The following SCHIP1 variants were observed in gnomAD, a reference collection of about 807,000 sequenced individuals.
SCHIP1 encodes schwannomin interacting protein 1.
A neutral mutation model predicts 29.7 loss-of-function variants in SCHIP1; 8 were observed. The observed-to-expected ratio is 0.27, with a 90% CI of 0.16 to 0.49. The LOEUF (loss-of-function observed/expected upper bound fraction) is 0.49. SCHIP1 is among the 20% of genes least tolerant of loss of function. The pLI is 0.99. For missense variants in SCHIP1, 193 were observed against 294.6 expected (o/e 0.66, Z 2.52); for synonymous variants, 76 against 94.9 (o/e 0.80, Z 1.16).
At chr3:159,402,856 C>T in the SCHIP1 span, among the ~76,000 whole-genome samples, 1 of 151,972 alleles carries the variant, frequency 6.6e-6, no homozygotes, top group Non-Finnish European at 1.5e-5. Context: ...GGGTGCAGCA[C>T]ACCAGCATGG....
chr3:159,322,515 A>C, the SCHIP1 span, among the ~76,000 whole-genome samples: 1 of 152,186 alleles, frequency 6.6e-6, no homozygotes, highest in African/African-American at 2.4e-5. Flanking sequence ...AATGCCACTC[A>C]CCACCGCAGG....
At chr3:159,372,079 T>C in the SCHIP1 span, among the ~76,000 whole-genome samples, 2 of 152,198 alleles carry the variant, frequency 1.3e-5, no homozygotes, top group East Asian at 1.9e-4. Flanking sequence ...AATTGAAATA[T>C]TCATATTGGT....
the SCHIP1 span, among the ~76,000 whole-genome samples, chr3:159,537,991 A>C: frequency 1.1e-3 from 174 of 152,256 alleles, 1 homozygote; most frequent in African/African-American, 4.0e-3. Flanking sequence ...AAACATCATC[A>C]TTTTTTGTGG....
the SCHIP1 span, among the ~76,000 whole-genome samples, chr3:159,789,779 T>C: frequency 2.0e-5 from 3 of 152,250 alleles, no homozygotes; most frequent in Non-Finnish European, 4.4e-5. Context: ...ATTTTATTTA[T>C]CAGGGATGTA....
the SCHIP1 span, among the ~76,000 whole-genome samples, chr3:159,300,641 C>T: frequency 8.5e-4 from 130 of 152,270 alleles, no homozygotes; most frequent in East Asian, 0.022. Context: ...GCTTTTGCAC[C>T]GACTACAATG....
chr3:159,816,764 A>G, the SCHIP1 span, among the ~76,000 whole-genome samples: 2 of 152,128 alleles, frequency 1.3e-5, no homozygotes, highest in East Asian at 1.9e-4. Flanking sequence ...TTGTACTCTA[A>G]CAAAACCAGT....
At chr3:159,808,239 TTCTA>T in the SCHIP1 span, among the ~76,000 whole-genome samples, 1 of 152,190 alleles carries the variant, frequency 6.6e-6, no homozygotes. Flanking sequence ...GTAATGCTGG[TTCTA>T]TCTGTGTTTA....
At chr3:159,738,223 G>A in the SCHIP1 span, among the ~76,000 whole-genome samples, 1 of 148,904 alleles carries the variant, frequency 6.7e-6, no homozygotes, top group Admixed American at 6.8e-5. Flanking sequence ...TTGTTTTTCA[G>A]ATCTTCAATA....
chr3:159,712,173 T>C, the SCHIP1 span, among the ~76,000 whole-genome samples: 1 of 152,112 alleles, frequency 6.6e-6, no homozygotes, highest in Admixed American at 6.6e-5. Context: ...TAAATCTCAC[T>C]TGAATGCATC....
At chr3:159,278,013 C>G in the SCHIP1 span, among the ~76,000 whole-genome samples, 1 of 152,022 alleles carries the variant, frequency 6.6e-6, no homozygotes, top group African/African-American at 2.4e-5. Context: ...GGATGACCCA[C>G]ATAAAAGATG....
the SCHIP1 span, among the ~76,000 whole-genome samples, chr3:159,751,530 C>T: frequency 6.6e-6 from 1 of 150,844 alleles, no homozygotes; most frequent in African/African-American, 2.5e-5. Flanking sequence ...TTAATTCCAG[C>T]TCTTCTGAAC....
chr3:159,282,567 T>G, the SCHIP1 span: 1 of 151,440 alleles, frequency 6.6e-6, no homozygotes, highest in African/African-American at 2.4e-5. Context: ...TTATCATTTG[T>G]CTTAAGTTCA....
the SCHIP1 span, among the ~76,000 whole-genome samples, chr3:159,365,610 C>T: frequency 1.4e-3 from 219 of 152,326 alleles, no homozygotes; most frequent in African/African-American, 5.1e-3. Context: ...CCTTTCTACG[C>T]ACTACATTAG....
the SCHIP1 span, among the ~76,000 whole-genome samples, chr3:159,698,478 G>A: frequency 5.3e-5 from 8 of 152,248 alleles, no homozygotes; most frequent in Admixed American, 2.6e-4. Flanking sequence ...TCATTACTAC[G>A]AGTGCATTGT....
the SCHIP1 span, among the ~76,000 whole-genome samples, chr3:159,384,383 T>C: frequency 3.9e-5 from 6 of 152,130 alleles, no homozygotes; most frequent in Non-Finnish European, 5.9e-5. Flanking sequence ...GTTTTTGTCT[T>C]TGGTTCTGTT....
At chr3:159,722,961 CTCTG>C in the SCHIP1 span, among the ~76,000 whole-genome samples, 1 of 152,178 alleles carries the variant, frequency 6.6e-6, no homozygotes, top group African/African-American at 2.4e-5. Flanking sequence ...GGTTACTCCT[CTCTG>C]TGGCATCTCT....
At chr3:159,599,240 G>T in the SCHIP1 span, among the ~76,000 whole-genome samples, 1 of 152,042 alleles carries the variant, frequency 6.6e-6, no homozygotes, top group Admixed American at 6.6e-5. Context: ...GTTGTTTTCT[G>T]GTTGTTTTAT....
chr3:159,316,328 G>A, the SCHIP1 span, among the ~76,000 whole-genome samples: 1 of 152,134 alleles, frequency 6.6e-6, no homozygotes, highest in African/African-American at 2.4e-5. Flanking sequence ...TTTGATGTTC[G>A]AGGGCAGGAA....
At chr3:159,284,774 G>C in the SCHIP1 span, among the ~76,000 whole-genome samples, 2 of 152,072 alleles carry the variant, frequency 1.3e-5, no homozygotes, top group African/African-American at 4.8e-5. Context: ...TGGGATTACA[G>C]GCTTGAGCCA....
Sources: allele counts gnomAD v4.1 joint callset (sites outside exome capture counted in the v4.1 genomes callset), GRCh38; gene constraint gnomAD v4.1.1; transcripts MANE v1.5; gene names NCBI Gene and HGNC (gene_info 2026-07-23, HGNC 2026-07-21).